DNAH14: variants seen among roughly 807,000 people sequenced by gnomAD.
The protein encoded by DNAH14 is axonemal beta dynein heavy chain 14.
DNAH14 carries 478 observed loss-of-function variants against 520.9 expected under a neutral mutation model. The observed-to-expected ratio is 0.92, with a 90% CI of 0.85 to 0.99. The LOEUF is 0.99. DNAH14 is among the 50% of genes least tolerant of loss of function. DNAH14 has a pLI of 0.00. For missense variants in DNAH14, 4,831 were observed against 5,234.5 expected (o/e 0.92, Z 2.38); for synonymous variants, 1,581 against 1,757.2 (o/e 0.90, Z 2.51).
chr1:225,130,901 A>C (rs1002011521), intron 27 of DNAH14, among the ~76,000 whole-genome samples: 1 of 152,144 alleles, frequency 6.6e-6, no homozygotes, highest in Non-Finnish European at 1.5e-5. Flanking sequence ...CAATACAACA[A>C]GGTATGCCTG....
chr1:225,050,973 A>G lies in DNAH14; in HGVS notation c.2080-478A>G, dbSNP rs531797971. Among the ~76,000 whole-genome samples the G allele has an allele frequency of 3.3e-5, 5 of 152,300 alleles. No individual in the cohort carries two copies. In the East Asian group the frequency reaches 7.7e-4, roughly 24 times the overall value. On this transcript the variant is annotated intron_variant, in intron 16 of 85. Transcript: ENST00000682510. ...AGTTCACAATAGGGTTCAAGCTCCT[A>G]TGAGAATCTAATGCCACTTCTGATC...
At chr1:225,361,762 A>G (rs955994032) in intron 75 of DNAH14, among the ~76,000 whole-genome samples, 3 of 152,140 alleles carry the variant, frequency 2.0e-5, no homozygotes, top group East Asian at 1.9e-4. Flanking sequence ...GCTCACGCCT[A>G]TAGTCCCAAT....
intron 83 of DNAH14, among the ~76,000 whole-genome samples, chr1:225,390,779 T>G (rs913459273): frequency 1.3e-5 from 2 of 152,208 alleles, no homozygotes; most frequent in Admixed American, 6.5e-5. Context: ...GTCATTTAAG[T>G]CTCATGACAA....
chr1:225,357,381 T>A (rs1189555512), intron 73 of DNAH14, among the ~76,000 whole-genome samples: 1 of 152,084 alleles, frequency 6.6e-6, no homozygotes, highest in Non-Finnish European at 1.5e-5. Context: ...AAATCTTGAT[T>A]GATCAATAGA....
intron 26 of DNAH14, among the ~76,000 whole-genome samples, chr1:225,120,693 A>C (rs1457796145): frequency 2.0e-5 from 3 of 152,220 alleles, no homozygotes. Context: ...TTGCAAATGC[A>C]GTTTCAGTCT....
chr1:225,280,020 A>T (rs148921990), intron 54 of DNAH14, among the ~76,000 whole-genome samples: 168 of 151,980 alleles, frequency 1.1e-3, no homozygotes, highest in Non-Finnish European at 2.0e-3. Context: ...AATGTCTGGG[A>T]TTCAAAATTA....
intron 1 of DNAH14, among the ~76,000 whole-genome samples, chr1:224,943,736 C>T (rs1389757097): frequency 1.3e-5 from 2 of 152,020 alleles, no homozygotes; most frequent in Admixed American, 6.6e-5. Flanking sequence ...TTATTTCTGC[C>T]TTCATTTCAT....
chr1:224,986,569 C>A (rs2062659540), intron 8 of DNAH14, among the ~76,000 whole-genome samples: 1 of 151,988 alleles, frequency 6.6e-6, no homozygotes, highest in Admixed American at 6.6e-5. Flanking sequence ...GAATGAAGGA[C>A]AAAAACCATA....
intron 27 of DNAH14, 65 bp from the exon 28 acceptor site, chr1:225,140,703 A>G: frequency 2.5e-6 from 3 of 1,220,466 alleles, no homozygotes; most frequent in Non-Finnish European, 3.4e-6. Flanking sequence ...ATTTGAATAA[A>G]ATTTATGCTT....
intron 27 of DNAH14, among the ~76,000 whole-genome samples, chr1:225,135,551 A>C (rs925414888): frequency 1.9e-4 from 29 of 152,254 alleles, no homozygotes; most frequent in African/African-American, 6.7e-4. Flanking sequence ...GCATTTGCAG[A>C]GGAGTGTGAT....
intron 73 of DNAH14, chr1:225,354,112 A>T (rs1420787792): frequency 7.1e-6 from 5 of 704,430 alleles, no homozygotes; most frequent in Admixed American, 2.0e-5. Context: ...CCCCTCATTT[A>T]TTCTCCCCCA....
At chr1:225,156,358 G>C (rs1264391943) in intron 34 of DNAH14, among the ~76,000 whole-genome samples, 1 of 152,108 alleles carries the variant, frequency 6.6e-6, no homozygotes, top group Non-Finnish European at 1.5e-5. Flanking sequence ...TGACATCCAG[G>C]TTGTGGGCAG....
intron 82 of DNAH14, among the ~76,000 whole-genome samples, chr1:225,389,187 T>C (rs1455921691): frequency 6.6e-6 from 1 of 152,234 alleles, no homozygotes; most frequent in Non-Finnish European, 1.5e-5. Context: ...AGAAGCCCAC[T>C]CAGTTCTCAC....
intron 60 of DNAH14, among the ~76,000 whole-genome samples, chr1:225,313,877 A>G (rs2094418488): frequency 6.6e-6 from 1 of 152,158 alleles, no homozygotes; most frequent in African/African-American, 2.4e-5. Flanking sequence ...CGATTTTAGA[A>G]TAAGTGCTAT....
chr1:225,075,146 G>C (rs1320905502), intron 17 of DNAH14, among the ~76,000 whole-genome samples: 1 of 152,180 alleles, frequency 6.6e-6, no homozygotes, highest in African/African-American at 2.4e-5. Flanking sequence ...TTCACAAGGG[G>C]TTCTCCTGCC....
chr1:225,034,515 T>TTGTGTGTG (rs71170047), intron 11 of DNAH14, among the ~76,000 whole-genome samples: 6,392 of 147,698 alleles, frequency 0.043, 439 homozygotes, highest in African/African-American at 0.14. Flanking sequence ...TGGCTTGAAT[T>TTGTGTGTG]TGTGTGTGTG....
intron 54 of DNAH14, among the ~76,000 whole-genome samples, chr1:225,286,438 A>G (rs1313246169): frequency 2.0e-5 from 3 of 152,190 alleles, no homozygotes; most frequent in Non-Finnish European, 4.4e-5. Context: ...CACATCAACT[A>G]AAAAATAAAA....
Position 225,353,671 on chromosome 1 carries a change from C to T in DNAH14, c.11534-132C>T. ...TCAAAGCTTATAGAAATAAAGCTCACTTTAAAAGTCAGCCATGTTTAGAAA... is the reference window on the plus strand; with the variant it reads ...TCAAAGCTTATAGAAATAAAGCTCATTTTAAAAGTCAGCCATGTTTAGAAA... On this transcript the variant is annotated intron_variant, in intron 72 of 85. Transcript: ENST00000682510. The T allele has an allele frequency of 1.8e-5, 11 of 617,642 alleles. 1 individual carries two copies. The highest frequency in any genetic ancestry group is 4.6e-4 in the Middle Eastern group (1 of 2,156). 38.3% of individuals were successfully genotyped at this position (617,642 alleles called of 1,614,324 possible). A position where few individuals can be genotyped will look rare whatever the true frequency, so the allele number is the denominator to read the frequency against.
At chr1:225,175,042 A>C (rs1013174925) in intron 36 of DNAH14, among the ~76,000 whole-genome samples, 1 of 152,172 alleles carries the variant, frequency 6.6e-6, no homozygotes, top group African/African-American at 2.4e-5. Flanking sequence ...ATCATGGTTA[A>C]TGATCTTTTT....
Sources: gnomAD v4.1 joint callset for allele counts (sites outside exome capture counted in the v4.1 genomes callset) on GRCh38, gnomAD v4.1.1 for gene constraint, MANE v1.5 for transcripts, NCBI Gene and HGNC (gene_info 2026-07-23, HGNC 2026-07-21) for gene names.